Variants in ANGPT2 observed in about 807,000 individuals in gnomAD.
ANGPT2 encodes angiopoietin-2.
Under a neutral mutation model 62.9 loss-of-function variants are expected in ANGPT2, and 28 were observed. That is an observed-to-expected ratio of 0.44 (90% CI 0.33 to 0.61). ANGPT2 has a LOEUF of 0.61. Among genes scored for constraint, ANGPT2 ranks in the 20% least tolerant of loss-of-function variants. ANGPT2 has a pLI of 0.03. For missense variants in ANGPT2, 727 were observed against 594.9 expected, an observed-to-expected ratio of 1.22 and a Z score of -2.31; for synonymous variants, 284 against 207.8, an observed-to-expected ratio of 1.37 and a Z score of -3.15.
chr8:6,505,238 GAA>G (rs1813103126), intron 8 of ANGPT2, among the ~76,000 whole-genome samples: 3 of 5,004 alleles, frequency 6.0e-4, no homozygotes, highest in African/African-American at 1.0e-3. Flanking sequence ...TGTATATATA[GAA>G]TATATATTCT....
intron 8 of ANGPT2, among the ~76,000 whole-genome samples, chr8:6,505,056 AAATT>A (rs1204284308): frequency 6.6e-6 from 1 of 151,444 alleles, no homozygotes; most frequent in East Asian, 1.9e-4. Context: ...ATATGTAGGA[AAATT>A]AATAAATAAA....
rs1338461011 is a variant in ANGPT2, at chr8:6,503,007, G to A, written c.*94C>T. On this transcript the variant is annotated 3_prime_UTR_variant, in exon 9 of 9. Coordinates refer to ENST00000629816, the MANE Select transcript of ANGPT2 (RefSeq NM_001118887.2). ...GCACCGAGCACACGCCCTCTGTGGT[G>A]GAAGAGGACACAGTGCGCAGCCGTG... is the stretch of plus-strand genomic sequence containing the variant. The A allele has an allele frequency of 1.4e-6, 2 of 1,439,348 alleles. No individual in the cohort carries two copies. Among genetic ancestry groups the A allele is most frequent in the East Asian group, 2.3e-5 (1 of 43,918 alleles). The allele number at this position is 1,439,348 out of a possible 1,614,324, so 89.2% of individuals were successfully genotyped here. A position where few individuals can be genotyped will look rare whatever the true frequency, so the allele number is the denominator to read the frequency against.
Position 6,503,238 on chromosome 8 carries a change from G to T in ANGPT2, c.1351C>A (p.Pro451Thr). 6.2e-7 allele frequency: 1 copy of T among 1,614,114 alleles called. No homozygotes were observed. The highest frequency in any genetic ancestry group is 8.5e-7 in the Non-Finnish European group (1 of 1,180,034). ...TGGWWFDACG[P>T]SNLNGMYYPQ... ...TAGTACATTCCGTTCAAGTTGGAAG[G>T]ACCACATGCATCAAACCACCAGCCT... is the stretch of plus-strand genomic sequence containing the variant. The change falls in exon 9 of 9, where the codon CCT becomes ACT. Residue 451 changes from proline to threonine, a missense_variant. By Grantham distance (38) the Pro-to-Thr change is conservative. Coordinates refer to ENST00000629816, the MANE Select transcript of ANGPT2 (RefSeq NM_001118887.2).
intron 3 of ANGPT2, among the ~76,000 whole-genome samples, chr8:6,522,255 T>G (rs866685266): frequency 2.0e-5 from 3 of 151,736 alleles, no homozygotes; most frequent in Admixed American, 6.6e-5. Context: ...CTCTGGAGGC[T>G]GAGGCAGGAG....
chr8:6,542,279 A>G (rs1305250137), intron 1 of ANGPT2, among the ~76,000 whole-genome samples: 6 of 151,854 alleles, frequency 4.0e-5, no homozygotes, highest in Admixed American at 6.5e-5. Flanking sequence ...TTGTCTACAC[A>G]TGTGAGGTAG....
At chr8:6,543,365 G>A (rs935227953) in intron 1 of ANGPT2, among the ~76,000 whole-genome samples, 4 of 152,080 alleles carry the variant, frequency 2.6e-5, no homozygotes, top group Non-Finnish European at 4.4e-5. Flanking sequence ...ACTGCTCCTC[G>A]TCTCCTGCCT....
intron 2 of ANGPT2, among the ~76,000 whole-genome samples, chr8:6,530,885 G>A (rs922916742): frequency 1.3e-5 from 2 of 152,150 alleles, no homozygotes; most frequent in African/African-American, 4.8e-5. Flanking sequence ...CAGGGCTTAT[G>A]GCATCTCCCC....
chr8:6,539,732 G>A (rs527877513), intron 1 of ANGPT2, among the ~76,000 whole-genome samples: 4 of 152,194 alleles, frequency 2.6e-5, no homozygotes, highest in East Asian at 3.9e-4. Flanking sequence ...GGTTACAGGC[G>A]CACACCACCA....
At chr8:6,518,288 A>G (rs1563331688) in intron 5 of ANGPT2, among the ~76,000 whole-genome samples, 2 of 152,204 alleles carry the variant, frequency 1.3e-5, no homozygotes, top group Admixed American at 6.5e-5. Flanking sequence ...GTGACAGACA[A>G]TGGCATGCAC....
chr8:6,520,088 T>C lies in ANGPT2; in HGVS notation c.800-97A>G, dbSNP rs139074079. ...AATCATTTGGTGAGTTTTATTACTT[T>C]GGAATTCTTAAGTAAGCAAAAGGCT... is the stretch of plus-strand genomic sequence containing the variant. On this transcript the variant is annotated intron_variant, in intron 4 of 8. Transcript: ENST00000629816. The C allele has an allele frequency of 2.1e-6, 3 of 1,425,450 alleles. No homozygotes were observed. In the African/African-American group the frequency reaches 4.3e-5, roughly 20 times the overall value. 88.3% of individuals were successfully genotyped at this position (1,425,450 alleles called of 1,614,324 possible).
In ANGPT2 at chr8:6,505,363, AT is replaced by A. The variant is rs1813273915; in HGVS notation, c.1328-2103del. ...GAATATATATATTCTTTCTATATGT[AT>A]ATAGAATATATATATTCTTTCTATA... On this transcript the variant is annotated intron_variant, in intron 8 of 8. Coordinates refer to ENST00000629816, the MANE Select transcript of ANGPT2 (RefSeq NM_001118887.2). Among the ~76,000 whole-genome samples the A allele has an allele frequency of 2.5e-5, 2 of 78,448 alleles. 1 individual carries two copies. The highest frequency in any genetic ancestry group is 1.2e-4 in the African/African-American group (2 of 17,336). 51.5% of individuals were successfully genotyped at this position (78,448 alleles called of 152,430 possible). A position where few individuals can be genotyped will look rare whatever the true frequency, so the allele number is the denominator to read the frequency against.
chr8:6,534,969 T>G (rs927278932), intron 1 of ANGPT2, among the ~76,000 whole-genome samples: 1 of 152,218 alleles, frequency 6.6e-6, no homozygotes, highest in African/African-American at 2.4e-5. Flanking sequence ...CCAGAGGCAC[T>G]GTCTTAGTTA....
chr8:6,547,351 T>C (rs540676023), intron 1 of ANGPT2, among the ~76,000 whole-genome samples: 2 of 152,154 alleles, frequency 1.3e-5, no homozygotes, highest in East Asian at 3.9e-4. Flanking sequence ...GTCCGCCCCC[T>C]CTCTTTAACC....
chr8:6,519,295 C>A (rs1314769974), intron 5 of ANGPT2, among the ~76,000 whole-genome samples: 4 of 152,186 alleles, frequency 2.6e-5, no homozygotes, highest in African/African-American at 7.2e-5. Flanking sequence ...GTCTGTGGCA[C>A]TGTGTTAGCG....
In ANGPT2 at chr8:6,500,290, C is replaced by T. The variant is rs1013501352; in HGVS notation, c.*2811G>A. 1 of 211,390 alleles carries T rather than the reference C, an allele frequency of 4.7e-6. No individual in the cohort carries two copies. Among genetic ancestry groups the T allele is most frequent in the Non-Finnish European group, 9.6e-6 (1 of 103,652 alleles). The allele number at this position is 211,390 out of a possible 1,614,324, so 13.1% of individuals were successfully genotyped here. A position where few individuals can be genotyped will look rare whatever the true frequency, so the allele number is the denominator to read the frequency against. ...GAACTGATAGGTATAAAGATTATGGCTTGCTGGTGCTGTGATAACAGTATT... is the reference window on the plus strand; with the variant it reads ...GAACTGATAGGTATAAAGATTATGGTTTGCTGGTGCTGTGATAACAGTATT... On this transcript the variant is annotated 3_prime_UTR_variant, in exon 9 of 9. Transcript: ENST00000629816.
At chr8:6,514,316 A>C (rs925743288) in intron 6 of ANGPT2, among the ~76,000 whole-genome samples, 1 of 152,112 alleles carries the variant, frequency 6.6e-6, no homozygotes, top group Non-Finnish European at 1.5e-5. Context: ...CAGCCTCCTG[A>C]GTAGCTGGGA....
In ANGPT2 at chr8:6,503,075, A is replaced by G; in HGVS notation, c.*26T>C. The G allele has an allele frequency of 6.2e-7, 1 of 1,613,662 alleles. No individual in the cohort carries two copies. Among genetic ancestry groups the G allele is most frequent in the Non-Finnish European group, 8.5e-7 (1 of 1,179,766 alleles). ...CTTAAGTCTTTGAAAATAGTTCGAG[A>G]CAGTTCCTCAGGTGGACTGGGATGT... On this transcript the variant is annotated 3_prime_UTR_variant, in exon 9 of 9. Coordinates refer to ENST00000629816, the MANE Select transcript of ANGPT2 (RefSeq NM_001118887.2).
intron 3 of ANGPT2, among the ~76,000 whole-genome samples, chr8:6,522,658 C>A (rs1002546192): frequency 1.1e-4 from 17 of 151,480 alleles, no homozygotes; most frequent in African/African-American, 4.1e-4. Flanking sequence ...AATGTAATCC[C>A]AGCTACTCAG....
At position 6,502,846 on chromosome 8, in the gene ANGPT2, C is replaced by T. The variant is rs1812456864; in HGVS notation, c.*255G>A. ...GTAAACTGTCAGTCTGATTCTCAGCCTCGGGTTCATCTTTGCATAGGTGTT... is the reference window on the plus strand; with the variant it reads ...GTAAACTGTCAGTCTGATTCTCAGCTTCGGGTTCATCTTTGCATAGGTGTT... On this transcript the variant is annotated 3_prime_UTR_variant, in exon 9 of 9. Transcript: ENST00000629816. The T allele has an allele frequency of 2.2e-5, 10 of 444,490 alleles. No individual in the cohort carries two copies. In the South Asian group the frequency reaches 3.9e-4, roughly 17 times the overall value. The allele number at this position is 444,490 out of a possible 1,614,324, so 27.5% of individuals were successfully genotyped here.
Sources: gnomAD v4.1 joint callset for allele counts (sites outside exome capture counted in the v4.1 genomes callset) on GRCh38, gnomAD v4.1.1 for gene constraint, MANE v1.5 for transcripts, NCBI Gene and HGNC (gene_info 2026-07-23, HGNC 2026-07-21) for gene names.